Variants in CNOT6L observed in about 807,000 individuals in gnomAD.
The protein encoded by CNOT6L is CCR4-NOT transcription complex subunit 6 like.
Under a neutral mutation model 64.0 loss-of-function variants are expected in CNOT6L, and 7 were observed. The ratio of observed to expected loss-of-function variants is 0.11; its 90% CI spans 0.06 to 0.21. The LOEUF (loss-of-function observed/expected upper bound fraction) is 0.21. Ranked by LOEUF, CNOT6L falls within the 10% of genes least tolerant of loss-of-function variation. CNOT6L has a pLI of 1.00. For missense variants in CNOT6L, 245 were observed against 669.0 expected, an observed-to-expected ratio of 0.37 and a Z score of 6.99; for synonymous variants, 193 against 243.4, an observed-to-expected ratio of 0.79 and a Z score of 1.93.
intron 1 of CNOT6L, among the ~76,000 whole-genome samples, chr4:77,798,488 A>G (rs138885913): frequency 9.8e-4 from 149 of 152,314 alleles, no homozygotes; most frequent in Non-Finnish European, 1.9e-3. Context: ...AAGAAGATAT[A>G]TTGATGGTAA....
Position 77,714,724 on chromosome 4 carries a change from A to C in CNOT6L, c.*5707T>G, listed in dbSNP as rs1273314002. The C allele has an allele frequency of 1.3e-5, 2 of 152,574 alleles. No individual in the cohort carries two copies. The highest frequency in any genetic ancestry group is 4.8e-5 in the African/African-American group (2 of 41,432). The allele number at this position is 152,574 out of a possible 1,614,324, so 9.5% of individuals were successfully genotyped here. On this transcript the variant is annotated 3_prime_UTR_variant, in exon 12 of 12. Transcript: ENST00000504123. Reference sequence around the variant, plus strand: ...CAGTGTGCAGTAACACAGCCATCCAAATCCCTCCCCTTGAAAAGTTGGCAG... The same window carrying C: ...CAGTGTGCAGTAACACAGCCATCCACATCCCTCCCCTTGAAAAGTTGGCAG...
rs1355820305 is a variant in CNOT6L, at chr4:77,718,041, T to TC, written c.*2389_*2390insG. On this transcript the variant is annotated 3_prime_UTR_variant, in exon 12 of 12. Coordinates refer to ENST00000504123, the MANE Select transcript of CNOT6L (RefSeq NM_144571.3). ...AGCTGTTTACAATGTTTCCCATTTT[T>TC]TTTTATTTTTTCCCTCTACATTTAA... 6.6e-6 allele frequency: 1 copy of TC among 152,068 alleles called. No individual in the cohort carries two copies. Among genetic ancestry groups the TC allele is most frequent in the Non-Finnish European group, 1.5e-5 (1 of 67,918 alleles). The allele number at this position is 152,068 out of a possible 1,614,324, so 9.4% of individuals were successfully genotyped here.
intron 1 of CNOT6L, among the ~76,000 whole-genome samples, chr4:77,801,447 T>C (rs1731538989): frequency 6.6e-6 from 1 of 152,186 alleles, no homozygotes. Context: ...CCTCCTGAGC[T>C]AACCAATACA....
At chr4:77,804,137 T>C (rs534685690) in intron 1 of CNOT6L, among the ~76,000 whole-genome samples, 1 of 152,036 alleles carries the variant, frequency 6.6e-6, no homozygotes, top group South Asian at 2.1e-4. Context: ...TAAAAAGGAA[T>C]GAAATATTGG....
At chr4:77,803,755 T>A (rs1321208178) in intron 1 of CNOT6L, among the ~76,000 whole-genome samples, 3 of 151,888 alleles carry the variant, frequency 2.0e-5, no homozygotes, top group Non-Finnish European at 4.4e-5. Context: ...AATACAAAAT[T>A]AGCCGGGTGT....
At chr4:77,755,532 G>C (rs1043090766) in intron 5 of CNOT6L, among the ~76,000 whole-genome samples, 4 of 152,016 alleles carry the variant, frequency 2.6e-5, no homozygotes, top group African/African-American at 9.7e-5. Context: ...TAATTTTAAA[G>C]TAAGTTAGAA....
chr4:77,728,934 C>T lies in CNOT6L; in HGVS notation c.1172G>A (p.Ser391Asn). 6 of 1,613,874 alleles carry T rather than the reference C, an allele frequency of 3.7e-6. No individual in the cohort carries two copies. Among genetic ancestry groups the T allele is most frequent in the Non-Finnish European group, 5.1e-6 (6 of 1,179,792 alleles). ...ATCTGCAGTTGGGCTTCCAGGCCTA[C>T]TAGAGGCTTTCTCCAGAATGTTTTT... The part of the protein sequence containing the change: ...EVKNILEKAS[S>N]RPGSPTADPN... Residue 391 changes from serine to asparagine, a missense_variant, in exon 10 of 12, where the codon AGT becomes AAT. Physicochemically the swap from Ser to Asn is conservative, Grantham distance 46. This residue lies in a region of CNOT6L where 17 missense variants were observed against 23.6 expected (regional missense o/e 0.72). Coordinates refer to ENST00000504123, the MANE Select transcript of CNOT6L (RefSeq NM_144571.3).
intron 10 of CNOT6L, 27 bp from the exon 11 acceptor site, chr4:77,726,396 C>T: frequency 1.3e-6 from 2 of 1,549,666 alleles, no homozygotes; most frequent in South Asian, 2.3e-5. Context: ...GAGACACTTC[C>T]ATTTAGCATT....
chr4:77,723,334 C>G (rs181274394), intron 11 of CNOT6L, among the ~76,000 whole-genome samples: 7 of 152,166 alleles, frequency 4.6e-5, no homozygotes, highest in Admixed American at 4.6e-4. Context: ...TGTTCAAGGA[C>G]GAAGAAAGTA....
chr4:77,786,108 C>G (rs1729412325), intron 1 of CNOT6L, among the ~76,000 whole-genome samples: 1 of 151,866 alleles, frequency 6.6e-6, no homozygotes, highest in South Asian at 2.1e-4. Flanking sequence ...TGGTGAAACC[C>G]CGTCTCTACT....
At chr4:77,736,460 TC>T (rs1722956653) in intron 8 of CNOT6L, among the ~76,000 whole-genome samples, 1 of 152,200 alleles carries the variant, frequency 6.6e-6, no homozygotes, top group Non-Finnish European at 1.5e-5. Context: ...TTACCCATAT[TC>T]TATCCCTACT....
chr4:77,816,098 C>T (rs1435058259), intron 1 of CNOT6L, among the ~76,000 whole-genome samples: 2 of 152,146 alleles, frequency 1.3e-5, no homozygotes, highest in East Asian at 3.8e-4. Flanking sequence ...GTAACATTAA[C>T]TTTTAAAATC....
At chr4:77,804,435 A>C (rs796639598) in intron 1 of CNOT6L, among the ~76,000 whole-genome samples, 1 of 152,156 alleles carries the variant, frequency 6.6e-6, no homozygotes, top group Non-Finnish European at 1.5e-5. Context: ...TCTCAAAAAA[A>C]AAAAAAAAGG....
intron 5 of CNOT6L, among the ~76,000 whole-genome samples, chr4:77,755,366 G>A (rs1725446477): frequency 6.7e-6 from 1 of 149,392 alleles, no homozygotes; most frequent in Non-Finnish European, 1.5e-5. Context: ...ACAGGCACGT[G>A]CCACCACACC....
At chr4:77,725,219 C>A (rs1288383247) in intron 11 of CNOT6L, among the ~76,000 whole-genome samples, 2 of 152,082 alleles carry the variant, frequency 1.3e-5, no homozygotes, top group Non-Finnish European at 2.9e-5. Flanking sequence ...TTTCTTCCTC[C>A]TATTTGTTTC....
Position 77,819,339 on chromosome 4 carries a change from C to T in CNOT6L, c.-31G>A, listed in dbSNP as rs1734028220. The T allele has an allele frequency of 6.2e-7, 1 of 1,613,356 alleles. No individual in the cohort carries two copies. Among genetic ancestry groups the T allele is most frequent in the South Asian group, 1.1e-5 (1 of 91,050 alleles). ...TCCTCTGGCCCAGAAGCAACAGCAG[C>T]CATTTCCCCGCGGCAGGGGAAACAC... On this transcript the variant is annotated 5_prime_UTR_variant, in exon 1 of 12. Coordinates refer to ENST00000504123, the MANE Select transcript of CNOT6L (RefSeq NM_144571.3).
intron 11 of CNOT6L, among the ~76,000 whole-genome samples, chr4:77,723,497 T>C (rs1041051204): frequency 6.6e-6 from 1 of 152,310 alleles, no homozygotes; most frequent in African/African-American, 2.4e-5. Flanking sequence ...AATACTGGGA[T>C]AGCATTAACT....
intron 1 of CNOT6L, among the ~76,000 whole-genome samples, chr4:77,810,207 A>T (rs1038472163): frequency 9.9e-5 from 15 of 152,256 alleles, no homozygotes; most frequent in African/African-American, 3.1e-4. Context: ...AAAAATTTTT[A>T]AAAATATTTA....
At chr4:77,743,632 C>T (rs1448510063) in intron 7 of CNOT6L, among the ~76,000 whole-genome samples, 3 of 114,124 alleles carry the variant, frequency 2.6e-5, no homozygotes, top group Non-Finnish European at 4.9e-5. Context: ...GACAGAATCT[C>T]GCTCTGCCAT....
Sources: gnomAD v4.1 joint callset for allele counts (sites outside exome capture counted in the v4.1 genomes callset) on GRCh38, gnomAD v4.1.1 for gene constraint, gnomAD v4.1.1 regional missense constraint, MANE v1.5 for transcripts, NCBI Gene and HGNC (gene_info 2026-07-23, HGNC 2026-07-21) for gene names.